The following PCDH15 variants were observed in gnomAD, a reference collection of about 807,000 sequenced individuals.
PCDH15 encodes the protein protocadherin-15.
PCDH15 carries 129 observed loss-of-function variants against 178.5 expected under a neutral mutation model. The ratio of observed to expected loss-of-function variants is 0.72; its 90% CI spans 0.63 to 0.84. The LOEUF is 0.84. Among genes scored for constraint, PCDH15 ranks in the 40% least tolerant of loss-of-function variants. PCDH15 has a pLI of 0.00. For missense variants in PCDH15, 2,230 were observed against 2,099.9 expected (o/e 1.06, Z -1.21); for synonymous variants, 800 against 732.0 (o/e 1.09, Z -1.50).
chr10:54,793,667 T>C (rs1951654196), intron 1 of PCDH15, among the ~76,000 whole-genome samples: 1 of 148,810 alleles, frequency 6.7e-6, no homozygotes, highest in Non-Finnish European at 1.5e-5. Context: ...TGCTTATATA[T>C]ACATATATAC....
At position 53,892,020 on chromosome 10, in the gene PCDH15, GTTTTTTTT is replaced by G. The variant is rs869122093; in HGVS notation, c.3501+11215_3501+11222del. ...GTTATCAGAGCAGCTTTACATCTAT[GTTTTTTTT>G]TTTTTTTTTTTTTTTTCCAAGACAG... is the stretch of plus-strand genomic sequence containing the variant. On this transcript the variant is annotated intron_variant, in intron 26 of 37. Coordinates refer to ENST00000644397, the MANE Select transcript of PCDH15 (RefSeq NM_001384140.1). Among the ~76,000 whole-genome samples, 493 of 91,892 alleles carry G rather than the reference GTTTTTTTT, an allele frequency of 5.4e-3. 4 individuals carry two copies. Among genetic ancestry groups the G allele is most frequent in the African/African-American group, 0.02 (470 of 23,366 alleles). 60.3% of individuals were successfully genotyped at this position (91,892 alleles called of 152,430 possible). A position where few individuals can be genotyped will look rare whatever the true frequency, so the allele number is the denominator to read the frequency against.
chr10:55,436,209 T>C (rs1250293581), intron 2 of PCDH15, among the ~76,000 whole-genome samples: 1 of 152,080 alleles, frequency 6.6e-6, no homozygotes. Context: ...CAAACATAAA[T>C]ACTTTATTTA....
At chr10:54,968,460 G>A (rs1181934677) in intron 2 of PCDH15, among the ~76,000 whole-genome samples, 1 of 151,232 alleles carries the variant, frequency 6.6e-6, no homozygotes, top group Non-Finnish European at 1.5e-5. Flanking sequence ...TTCTTTTCAG[G>A]ATTCTAAAAA....
At chr10:54,783,375 T>A (rs568276674) in intron 1 of PCDH15, among the ~76,000 whole-genome samples, 139 of 152,170 alleles carry the variant, frequency 9.1e-4, no homozygotes, top group African/African-American at 3.2e-3. Context: ...AGGAATTTTT[T>A]ACTTGAAGAC....
chr10:53,963,132 C>A (rs964841376), intron 21 of PCDH15, among the ~76,000 whole-genome samples: 1 of 152,144 alleles, frequency 6.6e-6, no homozygotes, highest in Non-Finnish European at 1.5e-5. Flanking sequence ...GTTCTGAGAA[C>A]ATTGCTTTTT....
rs181953536 is a variant in PCDH15 at position 54,258,852 on chromosome 10, G to A, written c.877-21921C>T. 6.0e-3 allele frequency among the ~76,000 whole-genome samples: 910 copies of A among 152,110 alleles called. 26 individuals carry two copies. The highest frequency in any genetic ancestry group is 0.051 in the Admixed American group (780 of 15,270). On this transcript the variant is annotated intron_variant, in intron 8 of 37. Transcript: ENST00000644397. The stretch of plus-strand genomic sequence containing the variant: ...ACAATTTTCGTGATATAACTCACAA[G>A]GCAGAAGTCTGATATAAAACATAAA...
chr10:55,073,390 C>T (rs1041015806), intron 2 of PCDH15, among the ~76,000 whole-genome samples: 2 of 152,082 alleles, frequency 1.3e-5, no homozygotes, highest in South Asian at 2.1e-4. Flanking sequence ...TGATAAGCAA[C>T]TTCAGCAAAG....
At chr10:54,436,551 T>C (rs113247641) in intron 3 of PCDH15, among the ~76,000 whole-genome samples, 49 of 152,308 alleles carry the variant, frequency 3.2e-4, no homozygotes, top group African/African-American at 1.1e-3. Context: ...AGGGCCATTA[T>C]AGCTCTGGAA....
intron 23 of PCDH15, among the ~76,000 whole-genome samples, chr10:53,944,318 C>T (rs189168898): frequency 4.4e-4 from 67 of 152,220 alleles, no homozygotes; most frequent in African/African-American, 1.5e-3. Flanking sequence ...GATTAACTAT[C>T]TCTAATGTCT....
At chr10:54,935,101 G>A in intron 2 of PCDH15, among the ~76,000 whole-genome samples, 2 of 141,236 alleles carry the variant, frequency 1.4e-5, no homozygotes, top group East Asian at 2.3e-4. Context: ...GAGGGGGGAG[G>A]GATAGCATTA....
At chr10:55,228,309 T>TA (rs1230820216) in intron 1 of PCDH15, among the ~76,000 whole-genome samples, 1 of 151,876 alleles carries the variant, frequency 6.6e-6, no homozygotes, top group African/African-American at 2.4e-5. Flanking sequence ...GTGTTATTTT[T>TA]AAAAAATGAG....
intron 19 of PCDH15, among the ~76,000 whole-genome samples, chr10:54,022,639 A>T (rs1431841462): frequency 6.6e-6 from 1 of 152,142 alleles, no homozygotes; most frequent in Non-Finnish European, 1.5e-5. Context: ...TTAAAAAACT[A>T]TTAAAAAGTA....
intron 26 of PCDH15, among the ~76,000 whole-genome samples, chr10:53,878,522 G>GTA (rs762934968): frequency 0.021 from 3,000 of 140,226 alleles, 100 homozygotes; most frequent in African/African-American, 0.076. Flanking sequence ...GTGTGTGTGT[G>GTA]TATATATATA....
intron 18 of PCDH15, among the ~76,000 whole-genome samples, chr10:54,030,506 T>C (rs181669924): frequency 2.0e-5 from 3 of 152,072 alleles, no homozygotes; most frequent in Admixed American, 2.0e-4. Flanking sequence ...ATAATCATTA[T>C]TGAACAATGG....
chr10:54,878,155 G>T (rs1954187186), intron 3 of PCDH15, among the ~76,000 whole-genome samples: 1 of 151,432 alleles, frequency 6.6e-6, no homozygotes, highest in Non-Finnish European at 1.5e-5. Flanking sequence ...TAGAGACGGG[G>T]TTTCGCCATG....
chr10:54,084,509 C>T (rs2094487563), intron 16 of PCDH15, among the ~76,000 whole-genome samples: 3 of 151,950 alleles, frequency 2.0e-5, no homozygotes, highest in Admixed American at 2.0e-4. Flanking sequence ...AAATTATCAC[C>T]TGTAGTCCCA....
At chr10:53,928,927 C>A (rs1053136038) in intron 25 of PCDH15, among the ~76,000 whole-genome samples, 2 of 151,982 alleles carry the variant, frequency 1.3e-5, no homozygotes, top group African/African-American at 4.8e-5. Context: ...AAAACTGTAT[C>A]TTCTCTCTTT....
chr10:55,251,645 G>T (rs1841838858), intron 1 of PCDH15, among the ~76,000 whole-genome samples: 1 of 152,094 alleles, frequency 6.6e-6, no homozygotes, highest in Admixed American at 6.5e-5. Context: ...GAATGTTCGT[G>T]TACAGGTTTT....
At chr10:54,919,407 C>T (rs1837426196) in intron 2 of PCDH15, among the ~76,000 whole-genome samples, 1 of 152,148 alleles carries the variant, frequency 6.6e-6, no homozygotes, top group Admixed American at 6.5e-5. Flanking sequence ...AAGAATTTCA[C>T]CCACGTTTTG....
Sources: allele counts gnomAD v4.1 joint callset (sites outside exome capture counted in the v4.1 genomes callset), GRCh38; gene constraint gnomAD v4.1.1; transcripts MANE v1.5; gene names NCBI Gene and HGNC (gene_info 2026-07-23, HGNC 2026-07-21).